Variants in ACVR1 observed in about 807,000 individuals in gnomAD.
The protein encoded by ACVR1 is activin receptor type-1.
A neutral mutation model predicts 57.1 loss-of-function variants in ACVR1; 38 were observed. The ratio of observed to expected loss-of-function variants is 0.67; its 90% CI spans 0.51 to 0.87. ACVR1 has a LOEUF of 0.87. ACVR1 is among the 40% of genes least tolerant of loss of function. The pLI is 0.00. For synonymous variants in ACVR1, 212 were observed against 228.1 expected, an observed-to-expected ratio of 0.93 and a Z score of 0.63; for missense variants, 463 against 638.2, an observed-to-expected ratio of 0.73 and a Z score of 2.96.
chr2:157,822,054 A>C (rs1688181041), intron 1 of ACVR1, among the ~76,000 whole-genome samples: 2 of 152,198 alleles, frequency 1.3e-5, no homozygotes, highest in Admixed American at 1.3e-4. Context: ...TGGCTTCTAA[A>C]CATTGAAAAT....
intron 7 of ACVR1, 41 bp downstream of exon 7, chr2:157,770,327 T>A: frequency 6.2e-7 from 1 of 1,610,894 alleles, no homozygotes; most frequent in Non-Finnish European, 8.5e-7. Flanking sequence ...CAATTGTTTC[T>A]CCCTAGATAC....
At chr2:157,742,162 C>T (rs1409459828) in intron 9 of ACVR1, among the ~76,000 whole-genome samples, 1 of 152,140 alleles carries the variant, frequency 6.6e-6, no homozygotes, top group Non-Finnish European at 1.5e-5. Context: ...TACAACAGTG[C>T]CTCATTTCTG....
intron 1 of ACVR1, among the ~76,000 whole-genome samples, chr2:157,828,656 C>G (rs552061335): frequency 6.6e-6 from 1 of 152,028 alleles, no homozygotes; most frequent in African/African-American, 2.4e-5. Context: ...CTCTGTACTG[C>G]GATGGCACCC....
intron 3 of ACVR1, among the ~76,000 whole-genome samples, chr2:157,782,453 T>C (rs567291352): frequency 1.3e-4 from 20 of 152,342 alleles, no homozygotes; most frequent in African/African-American, 3.6e-4. Flanking sequence ...AGCAAAGAGA[T>C]AGTCTTTATG....
At chr2:157,792,125 A>C (rs1435047205) in intron 3 of ACVR1, among the ~76,000 whole-genome samples, 2 of 152,098 alleles carry the variant, frequency 1.3e-5, no homozygotes, top group African/African-American at 4.8e-5. Flanking sequence ...AATTTAAAAA[A>C]TACTGGCAGG....
intron 7 of ACVR1, among the ~76,000 whole-genome samples, chr2:157,769,028 C>T (rs919056074): frequency 1.3e-5 from 2 of 152,106 alleles, no homozygotes; most frequent in African/African-American, 4.8e-5. Flanking sequence ...CAGAAAAGCA[C>T]AATTAATTCC....
intron 9 of ACVR1, among the ~76,000 whole-genome samples, chr2:157,759,088 AG>A (rs773895739): frequency 1.3e-5 from 2 of 152,112 alleles, no homozygotes; most frequent in Non-Finnish European, 2.9e-5. Flanking sequence ...TCAAGGAACT[AG>A]AAAAGCAAGA....
intron 1 of ACVR1, among the ~76,000 whole-genome samples, chr2:157,867,559 T>C (rs1296414644): frequency 6.6e-6 from 1 of 152,094 alleles, no homozygotes; most frequent in African/African-American, 2.4e-5. Flanking sequence ...GATCTGGCAG[T>C]TTCTTGCAGG....
intron 1 of ACVR1, among the ~76,000 whole-genome samples, chr2:157,849,335 C>G (rs574708490): frequency 6.6e-6 from 1 of 152,224 alleles, no homozygotes; most frequent in Admixed American, 6.5e-5. Context: ...CAATATCAAT[C>G]TTCAAAATTT....
chr2:157,755,257 C>A (rs562429414), intron 9 of ACVR1, among the ~76,000 whole-genome samples: 106 of 152,126 alleles, frequency 7.0e-4, no homozygotes, highest in Middle Eastern at 3.4e-3. Flanking sequence ...GAAGTCCTAG[C>A]CAGAGCAATC....
chr2:157,859,765 C>T (rs946569641), intron 1 of ACVR1, among the ~76,000 whole-genome samples: 1 of 152,194 alleles, frequency 6.6e-6, no homozygotes, highest in Non-Finnish European at 1.5e-5. Flanking sequence ...TGTGCCCACA[C>T]TTCGATTATC....
At chr2:157,777,242 GAAT>G (rs1325917583) in intron 5 of ACVR1, among the ~76,000 whole-genome samples, 2 of 152,150 alleles carry the variant, frequency 1.3e-5, no homozygotes, top group Non-Finnish European at 2.9e-5. Context: ...ATATGCAAAA[GAAT>G]AATTTTTTAA....
intron 5 of ACVR1, among the ~76,000 whole-genome samples, chr2:157,776,482 T>G (rs937319450): frequency 3.9e-5 from 6 of 152,126 alleles, no homozygotes; most frequent in Admixed American, 3.9e-4. Flanking sequence ...AAAAATTGTA[T>G]TTCTCTACTT....
At chr2:157,738,098 A>AAGGAGGTT (rs1282624019) in intron 10 of ACVR1, among the ~76,000 whole-genome samples, 1 of 152,186 alleles carries the variant, frequency 6.6e-6, no homozygotes, top group Non-Finnish European at 1.5e-5. Context: ...CAGAGATGGA[A>AAGGAGGTT]AGGAGGTTAA....
chr2:157,867,515 C>A (rs1689979697), intron 1 of ACVR1, among the ~76,000 whole-genome samples: 1 of 152,188 alleles, frequency 6.6e-6, no homozygotes, highest in Non-Finnish European at 1.5e-5. Context: ...GCAGCCACAG[C>A]ACACACATCT....
intron 9 of ACVR1, among the ~76,000 whole-genome samples, chr2:157,744,745 C>T (rs938331489): frequency 6.6e-6 from 1 of 152,204 alleles, no homozygotes; most frequent in African/African-American, 2.4e-5. Flanking sequence ...CACAAGAGGG[C>T]TTCGAGATAT....
intron 1 of ACVR1, among the ~76,000 whole-genome samples, chr2:157,855,321 T>TACAC (rs752485468): frequency 0.022 from 2,366 of 109,230 alleles, 67 homozygotes; most frequent in East Asian, 0.067. Flanking sequence ...TATATATATA[T>TACAC]ATACACACAC....
At chr2:157,786,433 C>T (rs936468557) in intron 3 of ACVR1, among the ~76,000 whole-genome samples, 1 of 152,204 alleles carries the variant, frequency 6.6e-6, no homozygotes, top group Non-Finnish European at 1.5e-5. Flanking sequence ...GTTTTCAGAG[C>T]AGGCTGAGCC....
At chr2:157,873,614 C>T (rs1401898578) in intron 1 of ACVR1, among the ~76,000 whole-genome samples, 1 of 152,178 alleles carries the variant, frequency 6.6e-6, no homozygotes, top group South Asian at 2.1e-4. Flanking sequence ...AGAGCAGAAT[C>T]ATTTTTCAAA....
Sources: allele counts gnomAD v4.1 joint callset (sites outside exome capture counted in the v4.1 genomes callset), GRCh38; gene constraint gnomAD v4.1.1; transcripts MANE v1.5; gene names NCBI Gene and HGNC (gene_info 2026-07-23, HGNC 2026-07-21).